Variants in FLT1 observed in about 807,000 individuals in gnomAD.
FLT1 encodes fms related receptor tyrosine kinase 1, also known as vascular endothelial growth factor receptor 1.
A neutral mutation model predicts 156.3 loss-of-function variants in FLT1; 49 were observed. The ratio of observed to expected loss-of-function variants is 0.31; its 90% CI spans 0.25 to 0.40. FLT1 has a LOEUF of 0.40. Among genes scored for constraint, FLT1 ranks in the 10% least tolerant of loss-of-function variants. The pLI is 1.00. For synonymous variants in FLT1, 594 were observed against 583.8 expected, an observed-to-expected ratio of 1.02 and a Z score of -0.25; for missense variants, 1,322 against 1,637.2, an observed-to-expected ratio of 0.81 and a Z score of 3.32.
chr13:28,458,022 C>T (rs545434836), intron 3 of FLT1, among the ~76,000 whole-genome samples: 1 of 149,968 alleles, frequency 6.7e-6, no homozygotes, highest in Non-Finnish European at 1.5e-5. Context: ...GCAACCTCCA[C>T]CTCCTGGGTT....
chr13:28,402,574 C>CTA (rs1009587002), intron 11 of FLT1, among the ~76,000 whole-genome samples: 10 of 151,630 alleles, frequency 6.6e-5, no homozygotes, highest in African/African-American at 2.4e-4. Context: ...TAAAATATAT[C>CTA]TATATATATA....
chr13:28,360,557 G>A (rs1260282390), intron 14 of FLT1, among the ~76,000 whole-genome samples: 1 of 152,176 alleles, frequency 6.6e-6, no homozygotes, highest in African/African-American at 2.4e-5. Flanking sequence ...GAACCTAGAG[G>A]ACATTATGTT....
At chr13:28,314,315 T>C (rs530295064) in intron 25 of FLT1, among the ~76,000 whole-genome samples, 2 of 152,358 alleles carry the variant, frequency 1.3e-5, no homozygotes, top group South Asian at 4.1e-4. Context: ...TTTGTTACTT[T>C]TGACTCTTGG....
rs1555236468 is a variant in FLT1, at chr13:28,412,330, T to TTTTC, written c.1437-6440_1437-6437dup. On this transcript the variant is annotated intron_variant, in intron 10 of 29. Transcript: ENST00000282397. ...TTCTCTTTCTTTCTTTCTTTCTTTC[T>TTTTC]TTTCTTTCTTTCTTTCTTTCTCTTT... Among the ~76,000 whole-genome samples the TTTTC allele has an allele frequency of 6.3e-3, 586 of 92,592 alleles. 57 individuals are homozygous for TTTTC. Among genetic ancestry groups the TTTTC allele is most frequent in the African/African-American group, 0.02 (474 of 24,106 alleles). 60.7% of individuals were successfully genotyped at this position (92,592 alleles called of 152,430 possible). A position where few individuals can be genotyped will look rare whatever the true frequency, so the allele number is the denominator to read the frequency against.
At chr13:28,490,351 C>T (rs1156559860) in intron 1 of FLT1, among the ~76,000 whole-genome samples, 5 of 152,236 alleles carry the variant, frequency 3.3e-5, no homozygotes, top group Non-Finnish European at 5.9e-5. Context: ...TGACATCTCC[C>T]CACATCCGCC....
intron 10 of FLT1, among the ~76,000 whole-genome samples, chr13:28,425,133 C>G (rs1877265738): frequency 6.6e-6 from 1 of 152,176 alleles, no homozygotes; most frequent in South Asian, 2.1e-4. Flanking sequence ...AGGTAGGCTA[C>G]TCAATTAGTA....
At chr13:28,483,782 A>G (rs1395730513) in intron 1 of FLT1, among the ~76,000 whole-genome samples, 1 of 152,156 alleles carries the variant, frequency 6.6e-6, no homozygotes, top group Non-Finnish European at 1.5e-5. Flanking sequence ...CTTGTTTAAG[A>G]AAAAGGCTCT....
chr13:28,482,278 A>C (rs1880900344), intron 1 of FLT1, among the ~76,000 whole-genome samples: 1 of 152,146 alleles, frequency 6.6e-6, no homozygotes, highest in East Asian at 1.9e-4. Flanking sequence ...ATCTCTACTA[A>C]AAATACAATA....
chr13:28,390,027 T>C lies in FLT1; in HGVS notation c.1738A>G (p.Asn580Asp). ...GEDLKLSCTVNKFLYRDVTWI... is the reference protein window; with the variant it reads ...GEDLKLSCTVDKFLYRDVTWI... ...GTAACGTCTCTGTATAAGAACTTGT[T>C]AACTGTGCAAGACAGTTTCAGGTCC... Residue 580 changes from asparagine (N) to aspartate (D), a missense_variant, in exon 13 of 30, where the codon AAC becomes GAC. Physicochemically the swap from Asn to Asp is conservative, Grantham distance 23. This residue lies in a region of FLT1 where 991 missense variants were observed against 1,254.8 expected (regional missense o/e 0.79). Transcript: ENST00000282397. 6.2e-7 allele frequency: 1 copy of C among 1,614,212 alleles called. No individual in the cohort carries two copies.
At chr13:28,403,216 T>C (rs1593750878) in intron 11 of FLT1, among the ~76,000 whole-genome samples, 3 of 152,276 alleles carry the variant, frequency 2.0e-5, no homozygotes, top group African/African-American at 7.2e-5. Flanking sequence ...TTGTATGTGG[T>C]TATACAGAGA....
At chr13:28,443,779 T>C (rs1878461206) in intron 3 of FLT1, among the ~76,000 whole-genome samples, 3 of 152,332 alleles carry the variant, frequency 2.0e-5, no homozygotes, top group South Asian at 4.1e-4. Context: ...TGGTAAAATA[T>C]TTTATTTGAA....
chr13:28,348,282 A>G lies in FLT1; in HGVS notation c.2249-2731T>C, dbSNP rs528806627. 1.3e-4 allele frequency among the ~76,000 whole-genome samples: 20 copies of G among 152,222 alleles called. No homozygotes were observed. The East Asian group carries it at 3.7e-3, about 28-fold the overall frequency. On this transcript the variant is annotated intron_variant, in intron 15 of 29. Coordinates refer to ENST00000282397, the MANE Select transcript of FLT1 (RefSeq NM_002019.4). Reference sequence around the variant, plus strand: ...TGCCAAATCACCAATTTAAAATCCTATTACTCTTCTGTCTAAATTCCGTCA... The same window carrying G: ...TGCCAAATCACCAATTTAAAATCCTGTTACTCTTCTGTCTAAATTCCGTCA...
intron 1 of FLT1, among the ~76,000 whole-genome samples, chr13:28,481,133 A>G (rs1037924534): frequency 2.6e-5 from 4 of 152,332 alleles, no homozygotes; most frequent in African/African-American, 9.6e-5. Context: ...CCTAGAAATT[A>G]AAGGTTCCAA....
chr13:28,412,297 T>TTTTC (rs1876251480), intron 10 of FLT1, among the ~76,000 whole-genome samples: 2 of 141,562 alleles, frequency 1.4e-5, no homozygotes, highest in Non-Finnish European at 3.1e-5. Context: ...TTCTCTTTCT[T>TTTTC]TTTCTCTTTC....
intron 1 of FLT1, among the ~76,000 whole-genome samples, chr13:28,473,765 GGAAGGAAGGAAGGAAAGAAAGAAAGAAA>G (rs1880345796): frequency 6.5e-5 from 6 of 92,508 alleles, no homozygotes; most frequent in South Asian, 3.8e-4. Context: ...AAGGAAGGAA[GGAAGGAAGGAAGGAAAGAAAGAAAGAAA>G]GAAAGAAAGA....
chr13:28,303,497 C>CA (rs1491291578), intron 29 of FLT1, 129 bp from the exon 30 acceptor site: 13 of 797,064 alleles, frequency 1.6e-5, no homozygotes, highest in East Asian at 8.0e-5. Flanking sequence ...TTGGAACCCC[C>CA]CCCCCCTCAA....
At chr13:28,421,461 G>A (rs1348768917) in intron 10 of FLT1, among the ~76,000 whole-genome samples, 1 of 152,174 alleles carries the variant, frequency 6.6e-6, no homozygotes, top group African/African-American at 2.4e-5. Context: ...GGGCTGGATC[G>A]AGGCTGGCAA....
chr13:28,323,052 C>G, intron 20 of FLT1, 106 bp from the exon 21 acceptor site: 1 of 1,240,438 alleles, frequency 8.1e-7, no homozygotes, highest in South Asian at 1.2e-5. Flanking sequence ...GAGCGTTTCA[C>G]TTCTCAAAAT....
chr13:28,311,945 C>T (rs776081415), intron 26 of FLT1, 48 bp downstream of exon 26: 3 of 1,320,120 alleles, frequency 2.3e-6, no homozygotes, highest in African/African-American at 1.4e-5. Flanking sequence ...AAAATGCCCC[C>T]CTGACGTACA....
Sources: allele counts gnomAD v4.1 joint callset (sites outside exome capture counted in the v4.1 genomes callset), GRCh38; gene constraint gnomAD v4.1.1; regional missense constraint gnomAD v4.1.1; transcripts MANE v1.5; gene names NCBI Gene and HGNC (gene_info 2026-07-23, HGNC 2026-07-21).